The following PAK5 variants were observed in gnomAD, a reference collection of about 807,000 sequenced individuals.
PAK5 encodes p21 (RAC1) activated kinase 5, also known as serine/threonine-protein kinase PAK 5.
PAK5 carries 16 observed loss-of-function variants against 65.9 expected under a neutral mutation model. The observed-to-expected ratio is 0.24, with a 90% CI of 0.16 to 0.37. The LOEUF (loss-of-function observed/expected upper bound fraction) is 0.37. Among genes scored for constraint, PAK5 ranks in the 10% least tolerant of loss-of-function variants. The pLI is 1.00. For missense variants in PAK5, 785 were observed against 903.9 expected, an observed-to-expected ratio of 0.87 and a Z score of 1.69; for synonymous variants, 371 against 354.9, an observed-to-expected ratio of 1.05 and a Z score of -0.51.
chr20:9,805,993 T>G (rs2049226946), intron 1 of PAK5, among the ~76,000 whole-genome samples: 1 of 152,080 alleles, frequency 6.6e-6, no homozygotes, highest in African/African-American at 2.4e-5. Context: ...GAGACAGGGT[T>G]TCACTCTGTT....
chr20:9,782,525 G>A (rs1600368932), intron 1 of PAK5, among the ~76,000 whole-genome samples: 1 of 152,166 alleles, frequency 6.6e-6, no homozygotes, highest in Non-Finnish European at 1.5e-5. Flanking sequence ...CTTGGAATCC[G>A]TGACATGTGG....
chr20:9,662,446 AC>A (rs1483326148), intron 2 of PAK5, among the ~76,000 whole-genome samples: 4 of 152,158 alleles, frequency 2.6e-5, no homozygotes, highest in Admixed American at 6.5e-5. Context: ...AACTGGGCAA[AC>A]ATGTGCCCAG....
At chr20:9,687,260 A>G (rs2047731944) in intron 2 of PAK5, among the ~76,000 whole-genome samples, 1 of 152,176 alleles carries the variant, frequency 6.6e-6, no homozygotes, top group Non-Finnish European at 1.5e-5. Flanking sequence ...TGCATATATC[A>G]AGTCTGCGTA....
intron 3 of PAK5, among the ~76,000 whole-genome samples, chr20:9,595,122 TATAGAGAG>T (rs1415612030): frequency 2.7e-5 from 4 of 150,694 alleles, no homozygotes; most frequent in African/African-American, 7.3e-5. Context: ...TATACATATA[TATAGAGAG>T]AGAGAGAGAT....
chr20:9,809,492 A>C (rs148453454), intron 1 of PAK5, among the ~76,000 whole-genome samples: 10 of 152,262 alleles, frequency 6.6e-5, no homozygotes, highest in Non-Finnish European at 7.4e-5. Flanking sequence ...AGACAACTGA[A>C]TGATCACACT....
chr20:9,678,391 C>A lies in PAK5; in HGVS notation c.-12+32895G>T, dbSNP rs544104881. Among the ~76,000 whole-genome samples the A allele has an allele frequency of 1.4e-3, 215 of 152,266 alleles. 3 individuals carry two copies. In the South Asian group the frequency reaches 0.021, roughly 15 times the overall value. On this transcript the variant is annotated intron_variant, in intron 2 of 9. Transcript: ENST00000353224. ...GACCATCCTGGCTAACACGGTGAAA[C>A]CCCGTCTCTACTAAAAATACAAAAA...
chr20:9,730,919 G>A (rs149621114), intron 1 of PAK5, among the ~76,000 whole-genome samples: 16 of 152,308 alleles, frequency 1.1e-4, no homozygotes, highest in African/African-American at 3.4e-4. Flanking sequence ...CAAATCCAGA[G>A]GTTAGATAAG....
intron 6 of PAK5, among the ~76,000 whole-genome samples, chr20:9,561,477 T>C (rs1419491596): frequency 6.6e-6 from 1 of 152,236 alleles, no homozygotes; most frequent in African/African-American, 2.4e-5. Flanking sequence ...GTTTTTTTGT[T>C]GGGCATGTCT....
At chr20:9,586,674 A>AT (rs1218635468) in intron 3 of PAK5, among the ~76,000 whole-genome samples, 8 of 152,232 alleles carry the variant, frequency 5.3e-5, no homozygotes, top group Non-Finnish European at 7.4e-5. Flanking sequence ...TTTCATAGGG[A>AT]TTTTTTGTCT....
At position 9,683,666 on chromosome 20, in the gene PAK5, G is replaced by A. The variant is rs142184308; in HGVS notation, c.-12+27620C>T. On this transcript the variant is annotated intron_variant, in intron 2 of 9. Coordinates refer to ENST00000353224, the MANE Select transcript of PAK5 (RefSeq NM_177990.4). ...CTGGTAGATGATGTGAGAGCAGGAG[G>A]AGACATAGGCCAGGGTATTTCTTTC... 4.6e-3 allele frequency among the ~76,000 whole-genome samples: 706 copies of A among 152,238 alleles called. 6 individuals are homozygous for A. The highest frequency in any genetic ancestry group is 0.016 in the African/African-American group (665 of 41,532).
rs560970877 is a variant in PAK5 at position 9,790,876 on chromosome 20, C to CA, written c.-162+47885_-162+47886insT. On this transcript the variant is annotated intron_variant, in intron 1 of 9. Coordinates refer to ENST00000353224, the MANE Select transcript of PAK5 (RefSeq NM_177990.4). ...AGGTACTAGGCATTTGTGGAGATAT[C>CA]TCACTCTGTACCATACACTCTTGTA... is the stretch of plus-strand genomic sequence containing the variant. Among the ~76,000 whole-genome samples, 82 of 152,222 alleles carry CA rather than the reference C, an allele frequency of 5.4e-4. 2 individuals are homozygous for CA. In the East Asian group the frequency reaches 0.014, roughly 27 times the overall value.
intron 1 of PAK5, among the ~76,000 whole-genome samples, chr20:9,724,599 T>C (rs2048254800): frequency 6.6e-6 from 1 of 152,184 alleles, no homozygotes. Context: ...TTGGGGTAGC[T>C]ATGGTTATTT....
intron 1 of PAK5, among the ~76,000 whole-genome samples, chr20:9,834,807 AATG>A (rs778452588): frequency 1.1e-4 from 16 of 152,146 alleles, no homozygotes; most frequent in Non-Finnish European, 1.8e-4. Flanking sequence ...TATTATACAT[AATG>A]ATTATTATTT....
At chr20:9,558,352 T>C (rs2045543228) in intron 6 of PAK5, among the ~76,000 whole-genome samples, 1 of 151,842 alleles carries the variant, frequency 6.6e-6, no homozygotes, top group African/African-American at 2.4e-5. Flanking sequence ...TGACCTCAGG[T>C]GATCCACCCG....
intron 1 of PAK5, among the ~76,000 whole-genome samples, chr20:9,729,705 A>C (rs780414499): frequency 9.8e-5 from 15 of 152,330 alleles, no homozygotes; most frequent in Non-Finnish European, 1.9e-4. Flanking sequence ...TGAAGTGAGA[A>C]AGAACTCATA....
chr20:9,705,118 A>G (rs1219064482), intron 2 of PAK5, among the ~76,000 whole-genome samples: 1 of 152,266 alleles, frequency 6.6e-6, no homozygotes, highest in Non-Finnish European at 1.5e-5. Flanking sequence ...TGCAAGGCAC[A>G]GGACAGTATC....
At chr20:9,627,338 GGGTTTCCAGCCAATGA>G (rs1223308631) in intron 3 of PAK5, among the ~76,000 whole-genome samples, 2 of 152,218 alleles carry the variant, frequency 1.3e-5, no homozygotes, top group African/African-American at 2.4e-5. Flanking sequence ...ACTTGGCTTG[GGGTTTCCAGCCAATGA>G]GGTTTCCAGC....
intron 1 of PAK5, among the ~76,000 whole-genome samples, chr20:9,750,469 A>G (rs574510479): frequency 6.6e-6 from 1 of 152,288 alleles, no homozygotes; most frequent in Non-Finnish European, 1.5e-5. Context: ...ACTGGGCAAC[A>G]TAATTGTATA....
chr20:9,747,314 A>C (rs1361967504), intron 1 of PAK5, among the ~76,000 whole-genome samples: 1 of 152,158 alleles, frequency 6.6e-6, no homozygotes, highest in African/African-American at 2.4e-5. Context: ...AAAAAGAGGG[A>C]ATCCTCCCTA....
Sources: allele counts gnomAD v4.1 joint callset (sites outside exome capture counted in the v4.1 genomes callset), GRCh38; gene constraint gnomAD v4.1.1; transcripts MANE v1.5; gene names NCBI Gene and HGNC (gene_info 2026-07-23, HGNC 2026-07-21).